GGPS1: variants seen among roughly 807,000 people sequenced by gnomAD.
GGPS1 encodes the protein geranylgeranyl pyrophosphate synthase.
A neutral mutation model predicts 28.1 loss-of-function variants in GGPS1; 15 were observed. The observed-to-expected ratio is 0.53, with a 90% confidence interval of 0.36 to 0.82. The LOEUF is 0.82. Ranked by LOEUF, GGPS1 falls within the 40% of genes least tolerant of loss-of-function variation. The pLI, the probability that GGPS1 is intolerant of heterozygous loss-of-function variation, is 0.01. For synonymous variants in GGPS1, 138 were observed against 122.4 expected (o/e 1.13, Z -0.84); for missense variants, 284 against 348.3 (o/e 0.82, Z 1.47).
intron 1 of GGPS1, chr1:235,329,377 A>T (rs1675609098): frequency 6.6e-6 from 1 of 152,248 alleles, no homozygotes; most frequent in Non-Finnish European, 1.5e-5. Context: ...GCGCCTGGTG[A>T]GACGGACAGA....
rs1676129835 is a variant in GGPS1, at chr1:235,343,840, A to T, written c.*1068A>T. 1 of 166,938 alleles carries T rather than the reference A, an allele frequency of 6.0e-6. No homozygotes were observed. The highest frequency in any genetic ancestry group is 1.5e-5 in the Non-Finnish European group (1 of 68,104). The allele number at this position is 166,938 out of a possible 1,614,324, so 10.3% of individuals were successfully genotyped here. A position where few individuals can be genotyped will look rare whatever the true frequency, so the allele number is the denominator to read the frequency against. ...ACCTTATTATATTTCCCCATCATTG[A>T]TAGTGACAATCTTAAAAGGGTTGTT... On this transcript the variant is annotated 3_prime_UTR_variant, in exon 4 of 4. Coordinates refer to ENST00000282841, the MANE Select transcript of GGPS1 (RefSeq NM_004837.4).
intron 1 of GGPS1, among the ~76,000 whole-genome samples, chr1:235,331,879 C>CAA (rs1025312196): frequency 2.6e-5 from 4 of 152,136 alleles, no homozygotes; most frequent in Admixed American, 2.6e-4. Context: ...AGCAGAAAAA[C>CAA]AACTGCATGA....
chr1:235,333,916 G>T (rs1241744846), intron 1 of GGPS1, among the ~76,000 whole-genome samples: 1 of 152,232 alleles, frequency 6.6e-6, no homozygotes, highest in East Asian at 1.9e-4. Context: ...TTCCCAAAAT[G>T]TGCCAAAGAT....
intron 1 of GGPS1, among the ~76,000 whole-genome samples, chr1:235,334,767 T>A (rs928051037): frequency 3.3e-5 from 5 of 152,100 alleles, no homozygotes; most frequent in African/African-American, 1.2e-4. Flanking sequence ...GAGACTGGAG[T>A]CACTCTTTCG....
At chr1:235,332,498 T>C (rs1290021693) in intron 1 of GGPS1, among the ~76,000 whole-genome samples, 1 of 152,218 alleles carries the variant, frequency 6.6e-6, no homozygotes, top group Non-Finnish European at 1.5e-5. Flanking sequence ...TCCATATCTT[T>C]ACTATTGTGA....
At chr1:235,340,177 A>G (rs1042167545) in intron 2 of GGPS1, among the ~76,000 whole-genome samples, 1 of 152,174 alleles carries the variant, frequency 6.6e-6, no homozygotes, top group African/African-American at 2.4e-5. Flanking sequence ...TCCGTGTAAG[A>G]AAAAGATGAT....
chr1:235,337,287 T>A (rs1470562735), intron 2 of GGPS1, among the ~76,000 whole-genome samples: 1 of 152,252 alleles, frequency 6.6e-6, no homozygotes, highest in East Asian at 1.9e-4. Context: ...TACAGTTACA[T>A]TTTAACCATA....
In GGPS1 at chr1:235,343,554, A is replaced by AT. The variant is rs1676121366; in HGVS notation, c.*782_*783insT. On this transcript the variant is annotated 3_prime_UTR_variant, in exon 4 of 4. Transcript: ENST00000282841. ...TGACAGAGCGAGACTCCGTCTCAAA[A>AT]AAAAGGGCTGATAATGATAAACAGT... The AT allele has an allele frequency of 6.0e-6, 1 of 166,788 alleles. No homozygotes were observed. The highest frequency in any genetic ancestry group is 1.5e-5 in the Non-Finnish European group (1 of 68,066). 10.3% of individuals were successfully genotyped at this position (166,788 alleles called of 1,614,324 possible).
intron 1 of GGPS1, chr1:235,330,057 A>G (rs1256487753): frequency 6.6e-6 from 1 of 152,202 alleles, no homozygotes; most frequent in Non-Finnish European, 1.5e-5. Context: ...GCCTCTTTAC[A>G]TTTAACTTTA....
chr1:235,337,233 G>A (rs1440737885), intron 2 of GGPS1: 3 of 150,822 alleles, frequency 2.0e-5, no homozygotes, highest in Non-Finnish European at 3.0e-5. Flanking sequence ...AACAAGCATC[G>A]CTTGAATGTC....
chr1:235,336,448 AAC>A (rs1222266439), intron 2 of GGPS1, among the ~76,000 whole-genome samples: 1 of 151,364 alleles, frequency 6.6e-6, no homozygotes, highest in African/African-American at 2.5e-5. Flanking sequence ...GAATATAATA[AAC>A]AGGGGTTATT....
intron 2 of GGPS1, 85 bp from the exon 3 acceptor site, chr1:235,341,623 G>A: frequency 2.5e-6 from 2 of 814,344 alleles, no homozygotes; most frequent in Admixed American, 1.8e-5. Flanking sequence ...CAATCTAAAG[G>A]AAGTTTCTGA....
At chr1:235,329,668 G>C (rs954138457) in intron 1 of GGPS1, 7 of 152,260 alleles carry the variant, frequency 4.6e-5, no homozygotes, top group African/African-American at 1.7e-4. Flanking sequence ...GGGATGAGGG[G>C]GAGTGTCGAA....
At chr1:235,329,136 C>T (rs1421743120) in intron 1 of GGPS1, 2 of 152,260 alleles carry the variant, frequency 1.3e-5, no homozygotes, top group South Asian at 4.1e-4. Context: ...GATCCATCGT[C>T]TTTCTCCCGG....
chr1:235,340,456 A>C (rs185062404), intron 2 of GGPS1, among the ~76,000 whole-genome samples: 135 of 151,284 alleles, frequency 8.9e-4, no homozygotes, highest in African/African-American at 2.9e-3. Flanking sequence ...AAAAAAAAGC[A>C]AGAAGCGCAG....
At chr1:235,338,353 G>A (rs1417325341) in intron 2 of GGPS1, among the ~76,000 whole-genome samples, 1 of 151,626 alleles carries the variant, frequency 6.6e-6, no homozygotes, top group Non-Finnish European at 1.5e-5. Flanking sequence ...CTGCACCCCA[G>A]CCTGGGTGAT....
At chr1:235,331,303 A>G (rs982004464) in intron 1 of GGPS1, among the ~76,000 whole-genome samples, 2 of 152,198 alleles carry the variant, frequency 1.3e-5, no homozygotes, top group Non-Finnish European at 2.9e-5. Flanking sequence ...ATTGTTTCAT[A>G]TAGATAAGAA....
intron 1 of GGPS1, chr1:235,329,935 T>A (rs1675648732): frequency 6.6e-6 from 1 of 152,224 alleles, no homozygotes; most frequent in Non-Finnish European, 1.5e-5. Context: ...TTGAACAAAT[T>A]TCTGGCAGCT....
At chr1:235,334,234 A>C (rs1372808655) in intron 1 of GGPS1, among the ~76,000 whole-genome samples, 1 of 152,198 alleles carries the variant, frequency 6.6e-6, no homozygotes, top group Non-Finnish European at 1.5e-5. Context: ...TGCTCATTTA[A>C]AAAAGGATAT....
Sources: gnomAD v4.1 joint callset for allele counts (sites outside exome capture counted in the v4.1 genomes callset) on GRCh38, gnomAD v4.1.1 for gene constraint, MANE v1.5 for transcripts, NCBI Gene and HGNC (gene_info 2026-07-23, HGNC 2026-07-21) for gene names.